GRIK1: variants seen among roughly 807,000 people sequenced by gnomAD.
GRIK1 encodes glutamate ionotropic receptor kainate type subunit 1, also known as glutamate receptor ionotropic, kainate 1.
GRIK1 carries 69 observed loss-of-function variants against 105.7 expected under a neutral mutation model. The ratio of observed to expected loss-of-function variants is 0.65; its 90% confidence interval spans 0.54 to 0.80. The LOEUF (loss-of-function observed/expected upper bound fraction) is 0.80. GRIK1 is among the 30% of genes least tolerant of loss of function. The pLI is 0.00. For missense variants in GRIK1, 1,109 were observed against 1,167.3 expected, an observed-to-expected ratio of 0.95 and a Z score of 0.73; for synonymous variants, 438 against 431.3, an observed-to-expected ratio of 1.02 and a Z score of -0.19.
chr21:29,639,231 A>T (rs1182859695), intron 7 of GRIK1, among the ~76,000 whole-genome samples: 1 of 152,224 alleles, frequency 6.6e-6, no homozygotes, highest in Admixed American at 6.5e-5. Context: ...TTCATTCATT[A>T]ATTCATTCAT....
intron 7 of GRIK1, among the ~76,000 whole-genome samples, chr21:29,613,096 G>A (rs2061766387): frequency 6.6e-6 from 1 of 152,142 alleles, no homozygotes; most frequent in Non-Finnish European, 1.5e-5. Flanking sequence ...TCTAGTCGTT[G>A]TGAAAATGAA....
At chr21:29,730,086 T>A (rs1016444332) in intron 1 of GRIK1, among the ~76,000 whole-genome samples, 13 of 152,336 alleles carry the variant, frequency 8.5e-5, no homozygotes, top group African/African-American at 2.9e-4. Flanking sequence ...AAGCAGAATT[T>A]CTGAGTTATG....
intron 1 of GRIK1, among the ~76,000 whole-genome samples, chr21:29,848,066 A>ATTG (rs1047300255): frequency 6.6e-6 from 1 of 152,050 alleles, no homozygotes; most frequent in Non-Finnish European, 1.5e-5. Flanking sequence ...TATTATTATT[A>ATTG]TTAAAAGTTT....
At chr21:29,827,813 C>T (rs1362355595) in intron 1 of GRIK1, among the ~76,000 whole-genome samples, 1 of 152,040 alleles carries the variant, frequency 6.6e-6, no homozygotes, top group Non-Finnish European at 1.5e-5. Flanking sequence ...ATTTTGTTTG[C>T]TTACTATTCT....
At chr21:29,838,605 T>C (rs1039840372) in intron 1 of GRIK1, among the ~76,000 whole-genome samples, 9 of 152,136 alleles carry the variant, frequency 5.9e-5, no homozygotes, top group Admixed American at 2.0e-4. Flanking sequence ...GCAGAACTAG[T>C]AGGTCTAAGA....
chr21:29,740,017 T>C (rs1423272878), intron 1 of GRIK1, among the ~76,000 whole-genome samples: 5 of 152,202 alleles, frequency 3.3e-5, no homozygotes, highest in African/African-American at 4.8e-5. Context: ...GTTTATAATA[T>C]GCATTAATTT....
chr21:29,703,078 A>G (rs2063842372), intron 1 of GRIK1, among the ~76,000 whole-genome samples: 1 of 152,170 alleles, frequency 6.6e-6, no homozygotes, highest in Admixed American at 6.5e-5. Context: ...GCAATTTTTA[A>G]CTCTCTAGCA....
At chr21:29,939,295 G>C (rs1287417033) in intron 1 of GRIK1, 88 bp downstream of exon 1, 1 of 768,946 alleles carries the variant, frequency 1.3e-6, no homozygotes, top group Non-Finnish European at 2.2e-6. Flanking sequence ...CTGCGCCGCC[G>C]CGCGCTGCCT....
chr21:29,870,588 G>A (rs7277754), intron 1 of GRIK1, among the ~76,000 whole-genome samples: 14,030 of 151,620 alleles, frequency 0.093, 799 homozygotes, highest in African/African-American at 0.16. Context: ...CCATTTCATT[G>A]TATACATTTT....
chr21:29,762,879 T>C (rs2065562832), intron 1 of GRIK1, among the ~76,000 whole-genome samples: 1 of 152,236 alleles, frequency 6.6e-6, no homozygotes, highest in Non-Finnish European at 1.5e-5. Flanking sequence ...ATACTGGATA[T>C]GTCACACAGA....
chr21:29,551,654 C>T (rs1251391183), intron 16 of GRIK1, among the ~76,000 whole-genome samples: 1 of 152,098 alleles, frequency 6.6e-6, no homozygotes, highest in African/African-American at 2.4e-5. Flanking sequence ...TGAAAGAGAT[C>T]ATTTCTTTAT....
intron 1 of GRIK1, among the ~76,000 whole-genome samples, chr21:29,719,241 A>G (rs985606688): frequency 6.6e-6 from 1 of 151,574 alleles, no homozygotes; most frequent in African/African-American, 2.4e-5. Context: ...TTTTATCTAG[A>G]AAAAATACTT....
At chr21:29,889,985 A>C (rs938962391) in intron 1 of GRIK1, among the ~76,000 whole-genome samples, 2 of 152,106 alleles carry the variant, frequency 1.3e-5, no homozygotes, top group African/African-American at 4.8e-5. Context: ...CTTATCTGTG[A>C]AAATGTCTAG....
intron 1 of GRIK1, among the ~76,000 whole-genome samples, chr21:29,722,152 C>T (rs2064338466): frequency 6.6e-6 from 1 of 152,140 alleles, no homozygotes; most frequent in African/African-American, 2.4e-5. Context: ...CTGAGATATG[C>T]TGCCTTCCCT....
intron 1 of GRIK1, among the ~76,000 whole-genome samples, chr21:29,805,489 A>G (rs2066839666): frequency 6.6e-6 from 1 of 152,180 alleles, no homozygotes; most frequent in African/African-American, 2.4e-5. Flanking sequence ...AATCAAATGC[A>G]GTGTAATTTA....
rs764743171 is a variant in GRIK1, at chr21:29,656,506, A to G, written c.727-1643T>C. Among the ~76,000 whole-genome samples the G allele has an allele frequency of 2.3e-3, 345 of 152,180 alleles. 5 individuals carry two copies. The highest frequency in any genetic ancestry group is 1.3e-3 in the Non-Finnish European group (91 of 68,008). The stretch of plus-strand genomic sequence containing the variant: ...GGAAGTTTTTATATCAAAGACTCTT[A>G]GACACCATCACAGGGACATCCTGAA... On this transcript the variant is annotated intron_variant, in intron 4 of 17. Transcript: ENST00000327783.
At chr21:29,826,356 A>G (rs1176517371) in intron 1 of GRIK1, among the ~76,000 whole-genome samples, 1 of 152,118 alleles carries the variant, frequency 6.6e-6, no homozygotes, top group Non-Finnish European at 1.5e-5. Flanking sequence ...TATGTGGTCA[A>G]ACAATATACT....
chr21:29,878,269 T>A (rs911426989), intron 1 of GRIK1, among the ~76,000 whole-genome samples: 3 of 152,096 alleles, frequency 2.0e-5, no homozygotes, highest in Non-Finnish European at 4.4e-5. Context: ...CAAGGGTTAA[T>A]AAGGAAGTGA....
intron 8 of GRIK1, chr21:29,596,896 T>G (rs2061424855): frequency 3.2e-6 from 1 of 307,900 alleles, no homozygotes. Flanking sequence ...GAAGACCCTT[T>G]TAAGGCATTG....
Sources: gnomAD v4.1 joint callset for allele counts (sites outside exome capture counted in the v4.1 genomes callset) on GRCh38, gnomAD v4.1.1 for gene constraint, MANE v1.5 for transcripts, NCBI Gene and HGNC (gene_info 2026-07-23, HGNC 2026-07-21) for gene names.